The following CNTNAP2 variants were observed in gnomAD, a reference collection of about 807,000 sequenced individuals.
CNTNAP2 encodes contactin-associated protein-like 2.
Under a neutral mutation model 155.2 loss-of-function variants are expected in CNTNAP2, and 98 were observed. The observed-to-expected ratio is 0.63, with a 90% CI of 0.54 to 0.75. The LOEUF (loss-of-function observed/expected upper bound fraction) is 0.75. Ranked by LOEUF, CNTNAP2 falls within the 30% of genes least tolerant of loss-of-function variation. The pLI is 0.00. For synonymous variants in CNTNAP2, 651 were observed against 631.2 expected (o/e 1.03, Z -0.47); for missense variants, 1,727 against 1,688.1 (o/e 1.02, Z -0.40).
rs569497573 is a variant in CNTNAP2 at position 147,060,538 on chromosome 7, C to T, written c.550+16484C>T. Among the ~76,000 whole-genome samples, 12 of 152,068 alleles carry T rather than the reference C, an allele frequency of 7.9e-5. No homozygotes were observed. In the South Asian group the frequency reaches 2.5e-3, roughly 32 times the overall value. On this transcript the variant is annotated intron_variant, in intron 4 of 23. Transcript: ENST00000361727. ...GAGATCGAGACCATCCTGGCAAACA[C>T]GGTGAAACCCTGTCTCTACTAAAAG...
intron 9 of CNTNAP2, among the ~76,000 whole-genome samples, chr7:147,310,863 AG>A (rs1795111313): frequency 6.6e-6 from 1 of 152,228 alleles, no homozygotes; most frequent in Non-Finnish European, 1.5e-5. Flanking sequence ...CTCCAAGTAT[AG>A]GAAGGACAAG....
chr7:148,077,253 G>A (rs1441332119), intron 15 of CNTNAP2, among the ~76,000 whole-genome samples: 1 of 151,442 alleles, frequency 6.6e-6, no homozygotes, highest in Non-Finnish European at 1.5e-5. Flanking sequence ...TTTGTGGTGA[G>A]CCGAGATCAC....
At chr7:148,342,013 G>C (rs1248371198) in intron 21 of CNTNAP2, among the ~76,000 whole-genome samples, 1 of 152,182 alleles carries the variant, frequency 6.6e-6, no homozygotes, top group African/African-American at 2.4e-5. Flanking sequence ...CAGAGGCTTA[G>C]CCAACGCATC....
At chr7:146,934,615 G>A (rs894148828) in intron 3 of CNTNAP2, among the ~76,000 whole-genome samples, 1 of 151,908 alleles carries the variant, frequency 6.6e-6, no homozygotes, top group African/African-American at 2.4e-5. Flanking sequence ...AAAAAAAATT[G>A]TTCAATTCAA....
chr7:147,460,297 G>T (rs924713341), intron 10 of CNTNAP2, among the ~76,000 whole-genome samples: 1 of 151,984 alleles, frequency 6.6e-6, no homozygotes, highest in Non-Finnish European at 1.5e-5. Flanking sequence ...GTGCTTGTGG[G>T]TAAATCATCC....
At chr7:147,894,020 A>G (rs1418189642) in intron 13 of CNTNAP2, 1 of 152,238 alleles carries the variant, frequency 6.6e-6, no homozygotes, top group African/African-American at 2.4e-5. Context: ...AATTACAGCT[A>G]TCAGATGATT....
At chr7:148,330,939 T>C (rs1563045152) in intron 21 of CNTNAP2, among the ~76,000 whole-genome samples, 2 of 107,004 alleles carry the variant, frequency 1.9e-5, no homozygotes, top group African/African-American at 7.1e-5. Flanking sequence ...ACGGATGGAA[T>C]TGGATGGAGT....
chr7:146,833,901 T>C (rs890053646), intron 2 of CNTNAP2, among the ~76,000 whole-genome samples: 80 of 152,186 alleles, frequency 5.3e-4, no homozygotes, highest in African/African-American at 1.9e-3. Flanking sequence ...ATCCTGGCTA[T>C]GTCTTTTCAA....
At chr7:146,290,160 G>A (rs1217092667) in intron 1 of CNTNAP2, among the ~76,000 whole-genome samples, 16 of 152,164 alleles carry the variant, frequency 1.1e-4, no homozygotes, top group Non-Finnish European at 1.5e-5. Context: ...AAAGTTGGAA[G>A]ATTGCTTGAG....
intron 1 of CNTNAP2, among the ~76,000 whole-genome samples, chr7:146,148,200 A>G (rs950145573): frequency 1.3e-5 from 2 of 152,226 alleles, no homozygotes; most frequent in African/African-American, 2.4e-5. Context: ...CCAGTAAATT[A>G]TTAATAAGAC....
chr7:148,138,886 AG>A (rs1805008006), intron 16 of CNTNAP2, among the ~76,000 whole-genome samples: 1 of 152,204 alleles, frequency 6.6e-6, no homozygotes, highest in Non-Finnish European at 1.5e-5. Flanking sequence ...TAAATCATAT[AG>A]GCCTATTAAT....
At chr7:146,666,855 G>A (rs1181602347) in intron 1 of CNTNAP2, among the ~76,000 whole-genome samples, 4 of 152,054 alleles carry the variant, frequency 2.6e-5, no homozygotes, top group African/African-American at 4.8e-5. Flanking sequence ...CTGTTTAGAT[G>A]TTTGAGTTTT....
At chr7:147,146,545 T>G (rs1286354297) in intron 8 of CNTNAP2, 2 of 152,460 alleles carry the variant, frequency 1.3e-5, no homozygotes, top group African/African-American at 4.8e-5. Flanking sequence ...CAAAACAGAT[T>G]ATAAATGTAT....
intron 10 of CNTNAP2, among the ~76,000 whole-genome samples, chr7:147,478,154 T>G (rs1798354085): frequency 6.6e-6 from 1 of 151,854 alleles, no homozygotes; most frequent in Non-Finnish European, 1.5e-5. Flanking sequence ...CTTTCTTTCT[T>G]TTTTTTTGGG....
At chr7:146,869,309 G>C (rs1010916393) in intron 3 of CNTNAP2, among the ~76,000 whole-genome samples, 1 of 152,078 alleles carries the variant, frequency 6.6e-6, no homozygotes, top group South Asian at 2.1e-4. Context: ...TTTTGTTTAT[G>C]TGATGAATCA....
intron 12 of CNTNAP2, among the ~76,000 whole-genome samples, chr7:147,624,859 C>T (rs1327538199): frequency 6.6e-6 from 1 of 152,088 alleles, no homozygotes; most frequent in Non-Finnish European, 1.5e-5. Flanking sequence ...GCAACCAAAG[C>T]ATCCATCAAC....
chr7:147,273,200 C>A (rs934733694), intron 8 of CNTNAP2, among the ~76,000 whole-genome samples: 1 of 152,046 alleles, frequency 6.6e-6, no homozygotes, highest in Non-Finnish European at 1.5e-5. Flanking sequence ...CACCACTTCG[C>A]GCCGAAATTT....
chr7:148,105,418 C>A (rs1248916508), intron 15 of CNTNAP2, among the ~76,000 whole-genome samples: 5 of 152,194 alleles, frequency 3.3e-5, no homozygotes, highest in Middle Eastern at 3.4e-3. Context: ...CTGAAATATA[C>A]ATTCTGAGGC....
At chr7:146,831,639 G>GCACTCCA (rs1803513531) in intron 2 of CNTNAP2, among the ~76,000 whole-genome samples, 1 of 122,786 alleles carries the variant, frequency 8.1e-6, no homozygotes, top group Non-Finnish European at 1.6e-5. Flanking sequence ...TCTCGCCACT[G>GCACTCCA]CACTCCAGCC....
Sources: allele counts gnomAD v4.1 joint callset (sites outside exome capture counted in the v4.1 genomes callset), GRCh38; gene constraint gnomAD v4.1.1; transcripts MANE v1.5; gene names NCBI Gene and HGNC (gene_info 2026-07-23, HGNC 2026-07-21).